The following NUDT18 variants were observed in gnomAD, a reference collection of about 807,000 sequenced individuals.
NUDT18 encodes the protein nudix hydrolase 18.
Under a neutral mutation model 27.6 loss-of-function variants are expected in NUDT18, and 26 were observed. The observed-to-expected ratio is 0.94, with a 90% CI of 0.69 to 1.31. The LOEUF (loss-of-function observed/expected upper bound fraction) is 1.31. Ranked by LOEUF, NUDT18 falls within the 50% of genes most tolerant of loss-of-function variation. NUDT18 has a pLI of 0.00. For synonymous variants in NUDT18, 220 were observed against 196.9 expected, an observed-to-expected ratio of 1.12 and a Z score of -0.98; for missense variants, 450 against 433.4, an observed-to-expected ratio of 1.04 and a Z score of -0.34.
upstream of NUDT18, chr8:22,109,579 C>G (rs536991690): frequency 4.9e-4 from 257 of 522,998 alleles, 4 homozygotes; most frequent in South Asian, 4.0e-3. Flanking sequence ...GGGTCCGGAG[C>G]CCAGCGGACC....
chr8:22,108,403 G>T, intron 1 of NUDT18, 57 bp from the exon 2 acceptor site: 1 of 1,449,728 alleles, frequency 6.9e-7, no homozygotes, highest in South Asian at 1.2e-5. Context: ...CCCGGGACCA[G>T]GGGGCATCTC....
chr8:22,109,409 GAGCTCACGAGAACGCGGA>G (rs1826430917), exon 1 of NUDT18: 1 of 331,340 alleles, frequency 3.0e-6, no homozygotes, highest in South Asian at 5.2e-5. Context: ...AGCGGGCCGG[GAGCTCACGAGAACGCGGA>G]AGCGCACGCG....
rs1826375969 is a variant in NUDT18, at chr8:22,107,036, C to T, written c.*264G>A. ...ATGCCACTGGGGGTGCAGAAAGCTC[C>T]CCATCCCCCTGGGAAGAGGCGTCAG... is the stretch of plus-strand genomic sequence containing the variant. On this transcript the variant is annotated 3_prime_UTR_variant, in exon 3 of 3. Transcript: ENST00000611621. 1 of 439,568 alleles carries T rather than the reference C, an allele frequency of 2.3e-6. No homozygotes were observed. Among genetic ancestry groups the T allele is most frequent in the Non-Finnish European group, 4.1e-6 (1 of 244,462 alleles). 27.2% of individuals were successfully genotyped at this position (439,568 alleles called of 1,614,324 possible).
At position 22,107,071 on chromosome 8, in the gene NUDT18, A is replaced by C; in HGVS notation, c.*229T>G. Reference sequence around the variant, plus strand: ...TGGGAAGAGGCGTCAGCGTGCCCTCAGGGTAGTCAGGTCCTGAGCTTTGGA... The same window carrying C: ...TGGGAAGAGGCGTCAGCGTGCCCTCCGGGTAGTCAGGTCCTGAGCTTTGGA... On this transcript the variant is annotated 3_prime_UTR_variant, in exon 3 of 3. Transcript: ENST00000611621. The C allele has an allele frequency of 2.0e-6, 1 of 508,374 alleles. No homozygotes were observed. The highest frequency in any genetic ancestry group is 3.5e-6 in the Non-Finnish European group (1 of 285,966). The allele number at this position is 508,374 out of a possible 1,614,324, so 31.5% of individuals were successfully genotyped here.
intron 2 of NUDT18, 41 bp downstream of exon 2, chr8:22,108,092 G>T: frequency 6.9e-7 from 1 of 1,454,314 alleles, no homozygotes; most frequent in Non-Finnish European, 9.1e-7. Context: ...GGGGAAAGGT[G>T]TCAACTGGCC....
At chr8:22,109,938 G>T (rs1826444052), upstream of NUDT18, 6 of 325,426 alleles carry the variant, frequency 1.8e-5, no homozygotes, top group South Asian at 1.4e-4. Flanking sequence ...TGCCTTGAAG[G>T]AGATTCTGCA....
Position 22,107,814 on chromosome 8 carries a change from G to A in NUDT18, c.458C>T (p.Pro153Leu), listed in dbSNP as rs199974251. ...AWYPRTSLPT[P>L]LRAHDILHLV... The stretch of plus-strand genomic sequence containing the variant: ...GTGCAGGATGTCATGGGCTCGCAGC[G>A]GAGTGGGCAGGGAGGTCCGTGGGTA... The change falls in exon 3 of 3, where the codon CCG becomes CTG. Residue 153 changes from proline to leucine, a missense_variant. Pro to Leu is a moderately conservative substitution (Grantham distance 98). Transcript: ENST00000611621. The A allele has an allele frequency of 1.4e-4, 227 of 1,613,022 alleles. No individual in the cohort carries two copies. In the East Asian group the frequency reaches 3.3e-3, roughly 23 times the overall value.
chr8:22,109,256 A>C lies in NUDT18; in HGVS notation c.45T>G (p.Ala15=), dbSNP rs1826423437. Residue 15 remains alanine, a synonymous_variant, in exon 1 of 3, where the codon GCT becomes GCG. Coordinates refer to ENST00000611621, the MANE Select transcript of NUDT18 (RefSeq NM_024815.4). ...GLAGALASVL[A]GQGSSVHSCD... ...AGCTGTGCACGCTGGACCCCTGGCCAGCCAGCACGGAAGCCAGCGCCCCCG... is the reference window on the plus strand; with the variant it reads ...AGCTGTGCACGCTGGACCCCTGGCCCGCCAGCACGGAAGCCAGCGCCCCCG... 2 of 1,410,048 alleles carry C rather than the reference A, an allele frequency of 1.4e-6. No homozygotes were observed. The highest frequency in any genetic ancestry group is 1.8e-6 in the Non-Finnish European group (2 of 1,088,878). 87.3% of individuals were successfully genotyped at this position (1,410,048 alleles called of 1,614,324 possible).
upstream of NUDT18, among the ~76,000 whole-genome samples, chr8:22,110,110 C>G (rs1313853650): frequency 6.6e-6 from 1 of 152,176 alleles, no homozygotes; most frequent in Non-Finnish European, 1.5e-5. Context: ...AGAAGGCTGC[C>G]GTCAGCCGGC....
In NUDT18 at chr8:22,107,456, C is replaced by T. The variant is rs1386518743; in HGVS notation, c.816G>A (p.Val272=). ...RDHSDGICLN[V]LVTVAFRSPG... ...GGCTCCGAAAAGCCACGGTCACCAG[C>T]ACATTCAAACAGATGCCATCACTGT... Residue 272 remains valine, a synonymous_variant, in exon 3 of 3, where the codon GTG becomes GTA. Coordinates refer to ENST00000611621, the MANE Select transcript of NUDT18 (RefSeq NM_024815.4). 4.3e-6 allele frequency: 7 copies of T among 1,613,222 alleles called. No homozygotes were observed. The Admixed American group carries it at 1.2e-4, about 27-fold the overall frequency.
chr8:22,107,874 T>A lies in NUDT18; in HGVS notation c.398A>T (p.Lys133Met), dbSNP rs1826395693. 7 of 1,585,232 alleles carry A rather than the reference T, an allele frequency of 4.4e-6. No homozygotes were observed. The highest frequency in any genetic ancestry group is 6.0e-6 in the Non-Finnish European group (7 of 1,163,662). Residue 133 changes from lysine to methionine, a missense_variant, in exon 3 of 3, where the codon AAG becomes ATG. By Grantham distance (95) the Lys-to-Met change is moderately conservative (BLOSUM62 -1). Coordinates refer to ENST00000611621, the MANE Select transcript of NUDT18 (RefSeq NM_024815.4). The stretch of plus-strand genomic sequence containing the variant: ...CTGCAGGGACTCCGCATCGGCCTCC[T>A]TGGAAGTCTTGAGAATTCCACCTGG... ...RPTGGILKTS[K>M]EADAESLQAA... is the part of the protein sequence containing the mutation.
chr8:22,107,024 T>C lies in NUDT18; in HGVS notation c.*276A>G. ...CGTGATGAGGAGATGCCACTGGGGG[T>C]GCAGAAAGCTCCCCATCCCCCTGGG... On this transcript the variant is annotated 3_prime_UTR_variant, in exon 3 of 3. Transcript: ENST00000611621. 1 of 408,278 alleles carries C rather than the reference T, an allele frequency of 2.4e-6. No individual in the cohort carries two copies. The highest frequency in any genetic ancestry group is 6.5e-4 in the Middle Eastern group (1 of 1,550). The allele number at this position is 408,278 out of a possible 1,614,324, so 25.3% of individuals were successfully genotyped here.
chr8:22,107,162 C>G lies in NUDT18; in HGVS notation c.*138G>C, dbSNP rs76769824. 7.8e-6 allele frequency: 5 copies of G among 644,314 alleles called. No individual in the cohort carries two copies. Among genetic ancestry groups the G allele is most frequent in the African/African-American group, 7.3e-5 (4 of 54,486 alleles). The allele number at this position is 644,314 out of a possible 1,614,324, so 39.9% of individuals were successfully genotyped here. On this transcript the variant is annotated 3_prime_UTR_variant, in exon 3 of 3. Transcript: ENST00000611621. Reference sequence around the variant, plus strand: ...GAGGAATGCTCCTCAAAGCATCTCTCCTGGGGACCAGGAGAGCCGCCCCTG... The same window carrying G: ...GAGGAATGCTCCTCAAAGCATCTCTGCTGGGGACCAGGAGAGCCGCCCCTG...
At position 22,107,786 on chromosome 8, in the gene NUDT18, C is replaced by T. The variant is rs921223141; in HGVS notation, c.486G>A (p.Leu162=). 6.2e-7 allele frequency: 1 copy of T among 1,613,404 alleles called. No homozygotes were observed. The highest frequency in any genetic ancestry group is 8.5e-7 in the Non-Finnish European group (1 of 1,179,874). ...TPLRAHDILH[L]VELAAQYRQQ... is the part of the protein sequence containing the mutation. Reference sequence around the variant, plus strand: ...GGCGATACTGGGCGGCTAGTTCAACCAGGTGCAGGATGTCATGGGCTCGCA... The same window carrying T: ...GGCGATACTGGGCGGCTAGTTCAACTAGGTGCAGGATGTCATGGGCTCGCA... Residue 162 remains leucine, a synonymous_variant, in exon 3 of 3, where the codon CTG becomes CTA. Coordinates refer to ENST00000611621, the MANE Select transcript of NUDT18 (RefSeq NM_024815.4).
intron 1 of NUDT18, 120 bp downstream of exon 1, chr8:22,109,019 T>C (rs1048901194): frequency 2.7e-6 from 2 of 728,018 alleles, no homozygotes; most frequent in East Asian, 7.0e-5. Context: ...TGGGAGTGCT[T>C]TGCAAAACTG....
chr8:22,108,221 C>T lies in NUDT18; in HGVS notation c.288G>A (p.Ala96=), dbSNP rs1267229419. 5 of 1,597,298 alleles carry T rather than the reference C, an allele frequency of 3.1e-6. No homozygotes were observed. Among genetic ancestry groups the T allele is most frequent in the Non-Finnish European group, 4.3e-6 (5 of 1,172,726 alleles). Residue 96 remains alanine (A), a synonymous_variant, in exon 2 of 3, where the codon GCG becomes GCA. Coordinates refer to ENST00000611621, the MANE Select transcript of NUDT18 (RefSeq NM_024815.4). ...EALQREVKEE[A]GLHCEPETLL... ...GTGTCTCGGGCTCACAGTGCAGCCC[C>T]GCCTCCTCCTTCACCTCCCGCTGCA...
rs768646502 is a variant in NUDT18, at chr8:22,107,337, C to T, written c.935G>A (p.Arg312Gln). The part of the protein sequence containing the change: ...EEDLQSQLLQ[R>Q]LQGSSVVPVN... ...TGGGACAACAGAGGATCCCTGAAGC[C>T]GCTGGAGGAGCTGGCTTTGCAGGTC... The change falls in exon 3 of 3, where the codon CGG (arginine) becomes CAG (glutamine). Residue 312 changes from arginine to glutamine, a missense_variant. Transcript: ENST00000611621. 61 of 1,611,936 alleles carry T rather than the reference C, an allele frequency of 3.8e-5. No homozygotes were observed. Among genetic ancestry groups the T allele is most frequent in the Admixed American group, 2.0e-4 (12 of 59,834 alleles).
chr8:22,107,869 C>T lies in NUDT18; in HGVS notation c.403G>A (p.Ala135Thr). 1 of 1,592,564 alleles carries T rather than the reference C, an allele frequency of 6.3e-7. No homozygotes were observed. Among genetic ancestry groups the T allele is most frequent in the Non-Finnish European group, 8.6e-7 (1 of 1,167,868 alleles). ...TGGILKTSKEADAESLQAAWY... is the reference protein window; with the variant it reads ...TGGILKTSKETDAESLQAAWY... ...GCAGCCTGCAGGGACTCCGCATCGG[C>T]CTCCTTGGAAGTCTTGAGAATTCCA... The change falls in exon 3 of 3, where the codon GCC becomes ACC. Residue 135 changes from alanine to threonine, a missense_variant. Transcript: ENST00000611621.
At chr8:22,109,510 C>T (rs901303882), upstream of NUDT18, 15 of 469,188 alleles carry the variant, frequency 3.2e-5, no homozygotes, top group African/African-American at 2.5e-4. Context: ...ATTGGCCGGC[C>T]CGCGGCATTC....
Sources: gnomAD v4.1 joint callset for allele counts (sites outside exome capture counted in the v4.1 genomes callset) on GRCh38, gnomAD v4.1.1 for gene constraint, MANE v1.5 for transcripts, NCBI Gene and HGNC (gene_info 2026-07-23, HGNC 2026-07-21) for gene names.